The following SESTD1 variants were observed in gnomAD, a reference collection of about 807,000 sequenced individuals.
SESTD1 encodes SEC14 domain and spectrin repeat-containing protein 1.
A neutral mutation model predicts 101.7 loss-of-function variants in SESTD1; 43 were observed. That is an observed-to-expected ratio of 0.42 (90% CI 0.33 to 0.55). SESTD1 has a LOEUF of 0.55. Among genes scored for constraint, SESTD1 ranks in the 20% least tolerant of loss-of-function variants. The pLI is 0.07. For synonymous variants in SESTD1, 283 were observed against 286.8 expected (o/e 0.99, Z 0.13); for missense variants, 647 against 815.1 (o/e 0.79, Z 2.51).
rs976108062 is a variant in SESTD1, at chr2:179,154,022, T to C, written c.370-2631A>G. 3.3e-5 allele frequency among the ~76,000 whole-genome samples: 5 copies of C among 149,616 alleles called. No individual in the cohort carries two copies. The South Asian group carries it at 6.4e-4, about 19-fold the overall frequency. ...ACTTTGGGAGACCGAGGCAAGAGGATTGCTTGAAACCAGGAGTTTAAGACC... is the reference window on the plus strand; with the variant it reads ...ACTTTGGGAGACCGAGGCAAGAGGACTGCTTGAAACCAGGAGTTTAAGACC... On this transcript the variant is annotated intron_variant, in intron 5 of 17. Transcript: ENST00000428443.
chr2:179,176,647 C>T, intron 3 of SESTD1, 109 bp from the exon 4 acceptor site: 3 of 730,622 alleles, frequency 4.1e-6, no homozygotes, highest in Non-Finnish European at 6.5e-6. Context: ...TAGAATTAAT[C>T]TCACTTGGTT....
intron 5 of SESTD1, among the ~76,000 whole-genome samples, chr2:179,154,009 C>T (rs762180257): frequency 2.9e-4 from 42 of 145,724 alleles, no homozygotes; most frequent in Non-Finnish European, 4.6e-4. Flanking sequence ...TTTGGGAGAC[C>T]GAGGCAAGAG....
chr2:179,152,426 G>A (rs1408037894), intron 5 of SESTD1, among the ~76,000 whole-genome samples: 5 of 152,070 alleles, frequency 3.3e-5, no homozygotes, highest in South Asian at 2.1e-4. Context: ...TGTGCTTGTT[G>A]AATCTCATAA....
chr2:179,262,645 A>T (rs951590793), intron 1 of SESTD1, among the ~76,000 whole-genome samples: 2 of 152,236 alleles, frequency 1.3e-5, no homozygotes, highest in African/African-American at 4.8e-5. Context: ...AGTTTGGTAC[A>T]ATTTCATTTT....
Position 179,149,408 on chromosome 2 carries a change from TTTA to T in SESTD1, c.484-17_484-15del, listed in dbSNP as rs1417297278. ...CTTCTCAAAAACCTACAATATGAGT[TTTA>T]TTAACATACTAAGAACAGTCTTAAA... On this transcript the variant is annotated splice_polypyrimidine_tract_variant and intron_variant, in intron 6 of 17. Coordinates refer to ENST00000428443, the MANE Select transcript of SESTD1 (RefSeq NM_178123.5). 1 of 1,509,050 alleles carries T rather than the reference TTTA, an allele frequency of 6.6e-7. No individual in the cohort carries two copies. Among genetic ancestry groups the T allele is most frequent in the Admixed American group, 1.9e-5 (1 of 53,878 alleles). 93.5% of individuals were successfully genotyped at this position (1,509,050 alleles called of 1,614,324 possible).
At chr2:179,144,547 A>G (rs968647096) in intron 8 of SESTD1, among the ~76,000 whole-genome samples, 4 of 151,378 alleles carry the variant, frequency 2.6e-5, no homozygotes, top group Non-Finnish European at 5.9e-5. Flanking sequence ...AGCTGTAGAT[A>G]TTAAATAATT....
chr2:179,252,993 G>A (rs2047340274), intron 1 of SESTD1, among the ~76,000 whole-genome samples: 1 of 152,104 alleles, frequency 6.6e-6, no homozygotes, highest in Non-Finnish European at 1.5e-5. Context: ...CCTCCATCCT[G>A]TGAGAAGTAA....
chr2:179,175,137 T>C (rs1378057960), intron 4 of SESTD1, among the ~76,000 whole-genome samples: 4 of 152,174 alleles, frequency 2.6e-5, no homozygotes, highest in African/African-American at 7.2e-5. Context: ...GTTCCAATTT[T>C]AAGTTATTTA....
At chr2:179,130,532 A>T (rs1283611256) in intron 10 of SESTD1, among the ~76,000 whole-genome samples, 1 of 152,108 alleles carries the variant, frequency 6.6e-6, no homozygotes, top group East Asian at 1.9e-4. Flanking sequence ...ACGCAATATG[A>T]AATTTGCTTT....
intron 1 of SESTD1, among the ~76,000 whole-genome samples, chr2:179,230,904 T>G (rs1246048660): frequency 6.6e-6 from 1 of 152,082 alleles, no homozygotes; most frequent in Non-Finnish European, 1.5e-5. Context: ...TATTAGACTT[T>G]AAAAATATGA....
chr2:179,259,219 T>C (rs2047444641), intron 1 of SESTD1, among the ~76,000 whole-genome samples: 1 of 152,122 alleles, frequency 6.6e-6, no homozygotes, highest in Admixed American at 6.5e-5. Context: ...TGCCTAGTGT[T>C]AGTTCTCTAG....
chr2:179,241,643 C>A (rs2047155113), intron 1 of SESTD1, among the ~76,000 whole-genome samples: 1 of 151,562 alleles, frequency 6.6e-6, no homozygotes. Flanking sequence ...AAATTTAGGG[C>A]CGGGCACAGT....
Position 179,148,353 on chromosome 2 carries a change from C to T in SESTD1, c.581+944G>A, listed in dbSNP as rs111966091. Among the ~76,000 whole-genome samples, 322 of 152,266 alleles carry T rather than the reference C, an allele frequency of 2.1e-3. 6 individuals carry two copies. Among genetic ancestry groups the T allele is most frequent in the African/African-American group, 7.4e-3 (309 of 41,558 alleles). ...TCAAGTGGCCTGAATAGTTAATTTG[C>T]TTGCTAAAGTGCTTTTTATCTGAGG... On this transcript the variant is annotated intron_variant, in intron 7 of 17. Transcript: ENST00000428443.
intron 1 of SESTD1, among the ~76,000 whole-genome samples, chr2:179,194,092 T>A (rs554412572): frequency 3.7e-4 from 56 of 152,260 alleles, no homozygotes; most frequent in Middle Eastern, 6.8e-3. Flanking sequence ...CTCTCTCCCA[T>A]TCTCCCCAAC....
chr2:179,183,833 G>GGA (rs368416135), intron 2 of SESTD1, among the ~76,000 whole-genome samples: 10,633 of 141,388 alleles, frequency 0.075, 407 homozygotes, highest in South Asian at 0.14. Flanking sequence ...AGAAAAGAAA[G>GGA]GAGAGAGAGA....
At chr2:179,231,234 T>G (rs2046982320) in intron 1 of SESTD1, among the ~76,000 whole-genome samples, 2 of 152,270 alleles carry the variant, frequency 1.3e-5, no homozygotes, top group Non-Finnish European at 2.9e-5. Context: ...TGGTGAAATT[T>G]TAATATATTT....
intron 1 of SESTD1, among the ~76,000 whole-genome samples, chr2:179,217,085 T>C (rs1315984150): frequency 1.3e-5 from 2 of 152,064 alleles, no homozygotes; most frequent in Non-Finnish European, 2.9e-5. Flanking sequence ...AAGGACTTCA[T>C]GACTAAAACA....
At chr2:179,140,704 C>G (rs978347506) in intron 9 of SESTD1, among the ~76,000 whole-genome samples, 7 of 152,192 alleles carry the variant, frequency 4.6e-5, no homozygotes, top group African/African-American at 1.7e-4. Flanking sequence ...CCACACCTCC[C>G]TTTCATTCCT....
intron 1 of SESTD1, among the ~76,000 whole-genome samples, chr2:179,247,914 C>G (rs13389956): frequency 0.21 from 31,606 of 151,654 alleles, 3,569 homozygotes; most frequent in South Asian, 0.29. Flanking sequence ...TACAATATAT[C>G]CAAATATATG....
Sources: allele counts gnomAD v4.1 joint callset (sites outside exome capture counted in the v4.1 genomes callset), GRCh38; gene constraint gnomAD v4.1.1; transcripts MANE v1.5; gene names NCBI Gene and HGNC (gene_info 2026-07-23, HGNC 2026-07-21).